Variants in RGS6 observed in about 807,000 individuals in gnomAD.
RGS6 encodes the protein regulator of G protein signaling 6, also known as regulator of G-protein signaling 6.
RGS6 carries 30 observed loss-of-function variants against 78.5 expected under a neutral mutation model. That is an observed-to-expected ratio of 0.38 (90% CI 0.29 to 0.52). RGS6 has a LOEUF of 0.52. Among genes scored for constraint, RGS6 ranks in the 20% least tolerant of loss-of-function variants. The pLI, the probability that RGS6 is intolerant of heterozygous loss-of-function variation, is 0.85. For missense variants in RGS6, 495 were observed against 609.7 expected (o/e 0.81, Z 1.98); for synonymous variants, 206 against 206.0 (o/e 1.00, Z 0.00).
intron 2 of RGS6, among the ~76,000 whole-genome samples, chr14:72,290,441 C>A (rs1286410368): frequency 6.6e-6 from 1 of 152,182 alleles, no homozygotes; most frequent in African/African-American, 2.4e-5. Context: ...TTCTGCCAGC[C>A]CTCTTCCTTC....
intron 2 of RGS6, among the ~76,000 whole-genome samples, chr14:72,342,711 C>T (rs1384921226): frequency 1.8e-5 from 2 of 108,618 alleles, no homozygotes; most frequent in Non-Finnish European, 3.4e-5. Context: ...GCCTGTGCAA[C>T]AGAGGCTTTG....
chr14:72,498,193 G>GTT (rs1300580925), intron 13 of RGS6, among the ~76,000 whole-genome samples: 1 of 152,028 alleles, frequency 6.6e-6, no homozygotes, highest in Non-Finnish European at 1.5e-5. Context: ...TTCTATTGGT[G>GTT]TTTATCATGT....
At chr14:72,248,964 T>TA (rs2054934910) in intron 2 of RGS6, among the ~76,000 whole-genome samples, 1 of 152,266 alleles carries the variant, frequency 6.6e-6, no homozygotes. Context: ...CTTGCAGCTA[T>TA]AACTGCAGTT....
intron 2 of RGS6, among the ~76,000 whole-genome samples, chr14:72,169,709 C>A (rs1339511172): frequency 6.6e-6 from 1 of 152,204 alleles, no homozygotes; most frequent in African/African-American, 2.4e-5. Flanking sequence ...ATGGCTGTGG[C>A]CATGTGACTG....
intron 2 of RGS6, among the ~76,000 whole-genome samples, chr14:72,076,554 C>T (rs1057315250): frequency 6.6e-6 from 1 of 151,982 alleles, no homozygotes; most frequent in East Asian, 1.9e-4. Context: ...TTTGAGACAG[C>T]GTTTCACTCT....
intron 2 of RGS6, among the ~76,000 whole-genome samples, chr14:72,210,502 TGAAA>T (rs1391339428): frequency 2.0e-5 from 3 of 152,146 alleles, no homozygotes; most frequent in Non-Finnish European, 4.4e-5. Flanking sequence ...GTTTGTCATT[TGAAA>T]GAAAGAAGAG....
Position 72,355,937 on chromosome 14 carries a change from G to A in RGS6, c.184+3743G>A, listed in dbSNP as rs571446019. 3.3e-5 allele frequency among the ~76,000 whole-genome samples: 5 copies of A among 152,292 alleles called. No individual in the cohort carries two copies. The South Asian group carries it at 6.2e-4, about 19-fold the overall frequency. Reference sequence around the variant, plus strand: ...GCTATAATAGAGTCAAGAAAATAAGGAGAGTGGGGATGAAGCCACGTGAGA... The same window carrying A: ...GCTATAATAGAGTCAAGAAAATAAGAAGAGTGGGGATGAAGCCACGTGAGA... On this transcript the variant is annotated intron_variant, in intron 3 of 17. Coordinates refer to ENST00000553525, the MANE Select transcript of RGS6 (RefSeq NM_001204424.2).
intron 3 of RGS6, among the ~76,000 whole-genome samples, chr14:72,379,677 G>A (rs1166777917): frequency 2.0e-5 from 3 of 151,866 alleles, no homozygotes; most frequent in African/African-American, 7.2e-5. Flanking sequence ...AAGTTGAAGA[G>A]GATACAAATG....
the RGS6 span, among the ~76,000 whole-genome samples, chr14:72,622,934 C>T: frequency 7.2e-5 from 11 of 152,128 alleles, no homozygotes; most frequent in African/African-American, 2.2e-4. Flanking sequence ...CAAAGACCAG[C>T]GTCAACCTAA....
chr14:72,397,629 G>A (rs1024722845), intron 3 of RGS6, among the ~76,000 whole-genome samples: 39 of 151,984 alleles, frequency 2.6e-4, no homozygotes, highest in Admixed American at 8.5e-4. Flanking sequence ...TCTTGTGCCC[G>A]TTTCCAAAGG....
intron 2 of RGS6, among the ~76,000 whole-genome samples, chr14:72,166,097 CACA>C (rs1567358065): frequency 9.5e-5 from 3 of 31,726 alleles, no homozygotes; most frequent in Non-Finnish European, 1.5e-4. Context: ...TTTTGAGACA[CACA>C]CACACACACA....
chr14:72,141,063 T>A (rs1484617638), intron 2 of RGS6, among the ~76,000 whole-genome samples: 1 of 152,220 alleles, frequency 6.6e-6, no homozygotes, highest in Non-Finnish European at 1.5e-5. Flanking sequence ...GATGGTGAGT[T>A]CTGTGAGGGC....
chr14:72,312,349 C>T (rs2068854106), intron 2 of RGS6, among the ~76,000 whole-genome samples: 1 of 151,408 alleles, frequency 6.6e-6, no homozygotes. Context: ...TATTATTGCT[C>T]ATCATTTTGC....
At chr14:72,162,789 C>A (rs1185552226) in intron 2 of RGS6, among the ~76,000 whole-genome samples, 1 of 152,000 alleles carries the variant, frequency 6.6e-6, no homozygotes, top group Non-Finnish European at 1.5e-5. Flanking sequence ...CTGTGAGATA[C>A]ACATATATAT....
intron 3 of RGS6, among the ~76,000 whole-genome samples, chr14:72,387,495 G>C (rs2152925817): frequency 6.6e-6 from 1 of 151,782 alleles, no homozygotes; most frequent in Non-Finnish European, 1.5e-5. Flanking sequence ...CTTGCAGTGA[G>C]CCGAGATCGC....
the RGS6 span, among the ~76,000 whole-genome samples, chr14:71,918,122 A>G: frequency 7.5e-6 from 1 of 132,812 alleles, no homozygotes; most frequent in Non-Finnish European, 1.6e-5. Context: ...CGGAGCTTGC[A>G]GTGAGCCGAG....
chr14:72,541,949 G>A (rs1054801596), intron 17 of RGS6, among the ~76,000 whole-genome samples: 3 of 152,084 alleles, frequency 2.0e-5, no homozygotes, highest in African/African-American at 7.2e-5. Context: ...GTTCTCCCAA[G>A]GTCTGTTAGC....
chr14:72,212,882 C>T (rs2044517639), intron 2 of RGS6, among the ~76,000 whole-genome samples: 3 of 152,222 alleles, frequency 2.0e-5, no homozygotes, highest in Admixed American at 2.0e-4. Flanking sequence ...AACTTCCTGA[C>T]TCTTTTACGT....
the RGS6 span, among the ~76,000 whole-genome samples, chr14:72,623,446 C>A: frequency 2.1e-3 from 316 of 152,262 alleles, 3 homozygotes; most frequent in African/African-American, 7.5e-3. Context: ...CTTAGTAGGA[C>A]ATACCTTAAG....
Sources: allele counts gnomAD v4.1 joint callset (sites outside exome capture counted in the v4.1 genomes callset), GRCh38; gene constraint gnomAD v4.1.1; transcripts MANE v1.5; gene names NCBI Gene and HGNC (gene_info 2026-07-23, HGNC 2026-07-21).